UROS: variants seen among roughly 807,000 people sequenced by gnomAD.
The protein encoded by UROS is uroporphyrinogen III synthase.
Under a neutral mutation model 33.0 loss-of-function variants are expected in UROS, and 18 were observed. The observed-to-expected ratio is 0.55, with a 90% confidence interval of 0.38 to 0.81. The LOEUF (loss-of-function observed/expected upper bound fraction) is 0.81, where lower values mean the gene tolerates loss of function less well. UROS is among the 30% of genes least tolerant of loss of function. UROS has a pLI of 0.00. For synonymous variants in UROS, 114 were observed against 121.1 expected (o/e 0.94, Z 0.38); for missense variants, 293 against 314.9 (o/e 0.93, Z 0.53).
intron 8 of UROS, among the ~76,000 whole-genome samples, chr10:125,795,755 G>A (rs774795942): frequency 7.9e-5 from 12 of 152,168 alleles, no homozygotes; most frequent in South Asian, 2.1e-4. Flanking sequence ...AAAGCTTTGC[G>A]TAAATTATCT....
chr10:125,797,573 G>A (rs1851467141), intron 7 of UROS, among the ~76,000 whole-genome samples: 1 of 152,206 alleles, frequency 6.6e-6, no homozygotes, highest in African/African-American at 2.4e-5. Context: ...CATCGAGGAC[G>A]GCAGCATGCT....
chr10:125,815,276 G>A, intron 3 of UROS, 146 bp from the exon 4 acceptor site: 1 of 872,378 alleles, frequency 1.1e-6, no homozygotes, highest in Non-Finnish European at 1.9e-6. Context: ...CTTACTGAGT[G>A]CTTACTATGT....
In UROS at chr10:125,816,436, C is replaced by A; in HGVS notation, c.63+1G>T. The A allele has an allele frequency of 6.2e-7, 1 of 1,614,118 alleles. No individual in the cohort carries two copies. Among genetic ancestry groups the A allele is most frequent in the South Asian group, 1.1e-5 (1 of 91,078 alleles). ...GGGATAAGGAGTCTCAGGCCACTTA[C>A]CCTGATATACGGATCCTGGCCACAG... is the stretch of plus-strand genomic sequence containing the variant. On this transcript the variant is annotated splice_donor_variant, in intron 2 of 9. Transcript: ENST00000368797. LOFTEE classifies it high-confidence loss of function.
rs146879054 is a variant in UROS at position 125,789,003 on chromosome 10, A to G, written c.663T>C (p.Phe221=). The change falls in exon 10 of 10, where the codon TTT becomes TTC. Residue 221 remains phenylalanine, a splice_region_variant and synonymous_variant. Coordinates refer to ENST00000368797, the MANE Select transcript of UROS (RefSeq NM_000375.3). ...GAGCCGTAGTGGGGCCGATGGCTGC[A>G]AACTATAAAGACAGAAGAGAAAACA... The part of the protein sequence containing the change: ...LSGDNIDQIK[F]AAIGPTTARA... The G allele has an allele frequency of 2.3e-4, 374 of 1,612,904 alleles. 1 individual carries two copies. The African/African-American group carries it at 4.3e-3, about 19-fold the overall frequency.
At chr10:125,808,625 C>T (rs189095609) in intron 5 of UROS, among the ~76,000 whole-genome samples, 312 of 152,284 alleles carry the variant, frequency 2.0e-3, no homozygotes, top group African/African-American at 7.2e-3. Flanking sequence ...CAATAATAAC[C>T]ATAACCAGAA....
intron 6 of UROS, among the ~76,000 whole-genome samples, chr10:125,799,723 T>A (rs912705123): frequency 6.6e-6 from 1 of 152,096 alleles, no homozygotes; most frequent in Non-Finnish European, 1.5e-5. Flanking sequence ...GGCCCACAAA[T>A]GTCCAACCAG....
intron 6 of UROS, among the ~76,000 whole-genome samples, chr10:125,805,433 G>A (rs1852237703): frequency 6.6e-6 from 1 of 152,194 alleles, no homozygotes; most frequent in Non-Finnish European, 1.5e-5. Flanking sequence ...TGCTGAGTGT[G>A]AATTCCAGCC....
At chr10:125,806,993 T>C (rs919420888) in intron 6 of UROS, among the ~76,000 whole-genome samples, 8 of 152,124 alleles carry the variant, frequency 5.3e-5, no homozygotes, top group African/African-American at 1.9e-4. Context: ...AGCCCAATCA[T>C]GAGTCAGTTC....
At chr10:125,816,648 T>C (rs1226068456) in intron 1 of UROS, 123 bp from the exon 2 acceptor site, 4 of 918,116 alleles carry the variant, frequency 4.4e-6, no homozygotes, top group Non-Finnish European at 6.9e-6. Flanking sequence ...CTATCCCTCC[T>C]ACACCATGAC....
intron 6 of UROS, chr10:125,802,106 T>C (rs1172633250): frequency 3.0e-6 from 3 of 985,476 alleles, no homozygotes; most frequent in East Asian, 2.3e-4. Flanking sequence ...AGAAGGGCTT[T>C]GATACCATTT....
At chr10:125,789,308 T>C (rs1850756344) in intron 9 of UROS, 2 of 1,322,458 alleles carry the variant, frequency 1.5e-6, no homozygotes, top group South Asian at 3.2e-5. Context: ...AGTGCAGTCC[T>C]TCCTCAGAGG....
At chr10:125,796,461 T>G (rs1437681001) in intron 7 of UROS, among the ~76,000 whole-genome samples, 1 of 152,240 alleles carries the variant, frequency 6.6e-6, no homozygotes, top group Non-Finnish European at 1.5e-5. Flanking sequence ...GTACCCAGAA[T>G]GCCTTTTGTT....
downstream of UROS, among the ~76,000 whole-genome samples, chr10:125,786,088 C>T (rs10751531): frequency 0.42 from 63,508 of 151,762 alleles, 13,599 homozygotes; most frequent in Non-Finnish European, 0.47. Flanking sequence ...CTCAGGGTGT[C>T]GAGTGAGACT....
chr10:125,802,394 G>A (rs1202901003), intron 6 of UROS: 14 of 985,750 alleles, frequency 1.4e-5, no homozygotes, highest in Non-Finnish European at 1.7e-5. Context: ...TGTCTAGGCT[G>A]CTGTTAAAGA....
chr10:125,811,923 T>C (rs1852851605), intron 5 of UROS, among the ~76,000 whole-genome samples: 1 of 152,160 alleles, frequency 6.6e-6, no homozygotes, highest in Admixed American at 6.5e-5. Flanking sequence ...AGTGGCATTA[T>C]GTACATTCAC....
chr10:125,797,953 C>T, intron 7 of UROS, 112 bp downstream of exon 7: 1 of 1,307,456 alleles, frequency 7.6e-7, no homozygotes, highest in South Asian at 1.2e-5. Context: ...CTTATCCAAC[C>T]CAGCCCTGCT....
intron 9 of UROS, chr10:125,794,358 CA>C (rs1454159394): frequency 4.2e-5 from 42 of 1,000,014 alleles, no homozygotes; most frequent in Admixed American, 2.2e-4. Flanking sequence ...ACCCTCTCCT[CA>C]GTCCCTCTGG....
At chr10:125,807,597 A>C in intron 5 of UROS, 110 bp from the exon 6 acceptor site, 1 of 829,808 alleles carries the variant, frequency 1.2e-6, no homozygotes, top group Non-Finnish European at 2.0e-6. Context: ...CAAATCACAT[A>C]GAGGATGTCT....
Position 125,823,200 on chromosome 10 carries a change from C to T in UROS, c.-198G>A, listed in dbSNP as rs1044060304. Reference sequence around the variant, plus strand: ...GGCCACCCGCGCCGGGCCCCAGGACCCCGCACCTCAGACTGGGGTCGCGTG... The same window carrying T: ...GGCCACCCGCGCCGGGCCCCAGGACTCCGCACCTCAGACTGGGGTCGCGTG... On this transcript the variant is annotated 5_prime_UTR_variant, in exon 1 of 10. Coordinates refer to ENST00000368797, the MANE Select transcript of UROS (RefSeq NM_000375.3). 1.0e-5 allele frequency: 2 copies of T among 192,208 alleles called. No individual in the cohort carries two copies. The highest frequency in any genetic ancestry group is 2.1e-5 in the Non-Finnish European group (2 of 93,786). 11.9% of individuals were successfully genotyped at this position (192,208 alleles called of 1,614,324 possible). A position where few individuals can be genotyped will look rare whatever the true frequency, so the allele number is the denominator to read the frequency against.
Sources: allele counts gnomAD v4.1 joint callset (sites outside exome capture counted in the v4.1 genomes callset), GRCh38; gene constraint gnomAD v4.1.1; transcripts MANE v1.5; gene names NCBI Gene and HGNC (gene_info 2026-07-23, HGNC 2026-07-21).